Variants in MCC observed in about 807,000 individuals in gnomAD.
The protein encoded by MCC is MCC regulator of Wnt signaling pathway.
MCC carries 90 observed loss-of-function variants against 116.2 expected under a neutral mutation model. The ratio of observed to expected loss-of-function variants is 0.77; its 90% CI spans 0.65 to 0.92. MCC has a LOEUF of 0.92. MCC is among the 40% of genes least tolerant of loss of function. The pLI is 0.00. For missense variants in MCC, 1,516 were observed against 1,312.2 expected, an observed-to-expected ratio of 1.16 and a Z score of -2.40; for synonymous variants, 578 against 510.5, an observed-to-expected ratio of 1.13 and a Z score of -1.78.
intron 3 of MCC, among the ~76,000 whole-genome samples, chr5:113,195,479 T>C (rs554828000): frequency 1.2e-4 from 18 of 152,292 alleles, no homozygotes; most frequent in Admixed American, 1.1e-3. Context: ...TTAAACTTTC[T>C]CAGTGTCGCC....
At chr5:113,480,443 T>C (rs1402068783) in intron 1 of MCC, among the ~76,000 whole-genome samples, 1 of 152,258 alleles carries the variant, frequency 6.6e-6, no homozygotes, top group Non-Finnish European at 1.5e-5. Flanking sequence ...TAAAATTTAT[T>C]GGCCTTGTGC....
intron 3 of MCC, chr5:113,294,797 C>T: frequency 3.0e-6 from 3 of 986,974 alleles, no homozygotes; most frequent in Non-Finnish European, 2.4e-6. Flanking sequence ...CTAGAGGGCA[C>T]CGGCGAGCTC....
At chr5:113,205,137 G>A (rs1010325313) in intron 3 of MCC, among the ~76,000 whole-genome samples, 2 of 152,094 alleles carry the variant, frequency 1.3e-5, no homozygotes, top group African/African-American at 2.4e-5. Flanking sequence ...CTGCCTTACT[G>A]GTATTTTTCT....
chr5:113,365,320 C>CAGA (rs1262740227), intron 2 of MCC, among the ~76,000 whole-genome samples: 1 of 152,180 alleles, frequency 6.6e-6, no homozygotes, highest in Non-Finnish European at 1.5e-5. Flanking sequence ...ATCCCTAGAG[C>CAGA]AGAAGCACAA....
At chr5:113,183,268 C>T (rs560479325) in intron 3 of MCC, among the ~76,000 whole-genome samples, 29 of 152,124 alleles carry the variant, frequency 1.9e-4, no homozygotes, top group African/African-American at 6.7e-4. Context: ...GCTGTGTGTG[C>T]GTGTGTGTTT....
intron 3 of MCC, among the ~76,000 whole-genome samples, chr5:113,324,365 T>C (rs2150372301): frequency 6.6e-6 from 1 of 152,320 alleles, no homozygotes; most frequent in Non-Finnish European, 1.5e-5. Context: ...ATATTCACTG[T>C]AGAAAAATCC....
At chr5:113,189,584 G>T (rs890075573) in intron 3 of MCC, among the ~76,000 whole-genome samples, 1 of 152,138 alleles carries the variant, frequency 6.6e-6, no homozygotes, top group African/African-American at 2.4e-5. Flanking sequence ...CTATCACTAG[G>T]TTGCACTATC....
At chr5:113,039,677 T>C (rs1751555407) in intron 17 of MCC, among the ~76,000 whole-genome samples, 1 of 151,652 alleles carries the variant, frequency 6.6e-6, no homozygotes, top group Admixed American at 6.6e-5. Context: ...TGTGTGACCT[T>C]GAGAGATCAC....
intron 3 of MCC, among the ~76,000 whole-genome samples, chr5:113,176,972 T>C (rs919814308): frequency 3.9e-5 from 6 of 152,204 alleles, no homozygotes; most frequent in African/African-American, 1.2e-4. Context: ...GTAGACACTC[T>C]GAGGTGCATG....
At chr5:113,153,655 G>C in intron 3 of MCC, among the ~76,000 whole-genome samples, 1 of 152,198 alleles carries the variant, frequency 6.6e-6, no homozygotes, top group East Asian at 1.9e-4. Flanking sequence ...AGATGAGTTT[G>C]GGATGCATGC....
chr5:113,392,359 C>G (rs768079142), intron 1 of MCC, among the ~76,000 whole-genome samples: 3 of 152,002 alleles, frequency 2.0e-5, no homozygotes, highest in African/African-American at 7.3e-5. Flanking sequence ...ATAAGGAAAA[C>G]GTAATTTTAG....
chr5:113,265,017 G>C (rs1242022828), intron 3 of MCC, among the ~76,000 whole-genome samples: 1 of 152,028 alleles, frequency 6.6e-6, no homozygotes, highest in Non-Finnish European at 1.5e-5. Flanking sequence ...CTCTAGCCTG[G>C]AGGCAGAGCA....
intron 6 of MCC, among the ~76,000 whole-genome samples, chr5:113,109,649 AC>A (rs1302639617): frequency 6.6e-6 from 1 of 152,242 alleles, no homozygotes; most frequent in Non-Finnish European, 1.5e-5. Flanking sequence ...CATGTTTGTT[AC>A]CACAATAAAT....
At chr5:113,453,299 C>T (rs150634672) in intron 1 of MCC, among the ~76,000 whole-genome samples, 255 of 152,182 alleles carry the variant, frequency 1.7e-3, no homozygotes, top group Non-Finnish European at 2.6e-3. Flanking sequence ...ACAACACGTA[C>T]ACACACACAC....
intron 3 of MCC, among the ~76,000 whole-genome samples, chr5:113,204,111 C>T (rs963370295): frequency 5.3e-5 from 8 of 152,154 alleles, no homozygotes; most frequent in South Asian, 2.1e-4. Context: ...CCTACAAACA[C>T]GGTCAAGGAG....
intron 1 of MCC, chr5:113,433,808 G>A (rs778894086): frequency 6.8e-6 from 11 of 1,613,966 alleles, no homozygotes; most frequent in South Asian, 1.1e-5. Flanking sequence ...GCTTGCTGGG[G>A]AAACCCAGGA....
At chr5:113,392,626 C>G (rs190451048) in intron 1 of MCC, among the ~76,000 whole-genome samples, 2 of 152,028 alleles carry the variant, frequency 1.3e-5, no homozygotes, top group East Asian at 3.9e-4. Flanking sequence ...ATATCTGTAA[C>G]AGCAAAGAAT....
At chr5:113,383,909 G>A (rs1769185061) in intron 2 of MCC, among the ~76,000 whole-genome samples, 2 of 152,008 alleles carry the variant, frequency 1.3e-5, no homozygotes, top group Non-Finnish European at 2.9e-5. Flanking sequence ...TTTGGACAGG[G>A]ACAACCAACA....
chr5:113,233,037 T>C (rs1318736629), intron 3 of MCC, among the ~76,000 whole-genome samples: 1 of 152,138 alleles, frequency 6.6e-6, no homozygotes, highest in Non-Finnish European at 1.5e-5. Flanking sequence ...ATGAAATACC[T>C]GTAAAGCACT....
Sources: allele counts gnomAD v4.1 joint callset (sites outside exome capture counted in the v4.1 genomes callset), GRCh38; gene constraint gnomAD v4.1.1; transcripts MANE v1.5; gene names NCBI Gene and HGNC (gene_info 2026-07-23, HGNC 2026-07-21).